Variants in RNFT1 observed in about 807,000 individuals in gnomAD.
RNFT1 encodes E3 ubiquitin-protein ligase RNFT1.
In RNFT1, 35 loss-of-function variants were observed where a neutral mutation model predicts 53.2. The observed-to-expected ratio is 0.66, with a 90% CI of 0.50 to 0.87. The LOEUF is 0.87. Ranked by LOEUF, RNFT1 falls within the 40% of genes least tolerant of loss-of-function variation. The probability of loss-of-function intolerance (pLI) is 0.00; values close to 1 mark genes in which losing one functional copy is unlikely to be tolerated. For missense variants in RNFT1, 421 were observed against 515.0 expected (o/e 0.82, Z 1.77); for synonymous variants, 141 against 172.8 (o/e 0.82, Z 1.44).
intron 3 of RNFT1, among the ~76,000 whole-genome samples, 189 bp from the exon 4 acceptor site, chr17:59,960,357 A>G (rs1198027460): frequency 1.4e-5 from 2 of 147,396 alleles, no homozygotes; most frequent in South Asian, 2.2e-4. Flanking sequence ...GAACTCTTAT[A>G]TTAAACAAAT....
At chr17:59,963,739 AC>A (rs1785827901) in intron 1 of RNFT1, among the ~76,000 whole-genome samples, 1 of 141,518 alleles carries the variant, frequency 7.1e-6, no homozygotes, top group Non-Finnish European at 1.5e-5. Flanking sequence ...AGGAAAAAAA[AC>A]AACATTAAAT....
rs765505486 is a variant in RNFT1, at chr17:59,952,926, C to T, written c.*51G>A. 1.1e-5 allele frequency: 17 copies of T among 1,563,412 alleles called. No homozygotes were observed. In the South Asian group the frequency reaches 1.5e-4, roughly 14 times the overall value. On this transcript the variant is annotated 3_prime_UTR_variant, in exon 9 of 9. Coordinates refer to ENST00000305783, the MANE Select transcript of RNFT1 (RefSeq NM_016125.4). ...TCCATTCTGATGCCTTATCAGTAGT[C>T]ATTATGACCAAATGACATTAGTATT...
At position 59,957,235 on chromosome 17, in the gene RNFT1, G is replaced by A. The variant is rs770155911; in HGVS notation, c.994C>T (p.Leu332Phe). 5.0e-6 allele frequency: 8 copies of A among 1,612,604 alleles called. No homozygotes were observed. The highest frequency in any genetic ancestry group is 5.1e-6 in the Non-Finnish European group (6 of 1,179,510). ...SLGILLALLY[L>F]ILKLLEFFGH... ...GTAATGTTACCTACTTTTAATATGA[G>A]GTAGAGTAAAGCCAGCAGTATCCCA... Residue 332 changes from leucine (L) to phenylalanine (F), a missense_variant, in exon 6 of 9, where the codon CTC becomes TTC. Transcript: ENST00000305783.
Position 59,952,479 on chromosome 17 carries a change from A to G in RNFT1, c.*498T>C, listed in dbSNP as rs183827874. The G allele has an allele frequency of 2.5e-4, 38 of 152,506 alleles. No individual in the cohort carries two copies. The highest frequency in any genetic ancestry group is 7.9e-4 in the African/African-American group (33 of 41,572). 9.4% of individuals were successfully genotyped at this position (152,506 alleles called of 1,614,324 possible). On this transcript the variant is annotated 3_prime_UTR_variant, in exon 9 of 9. Transcript: ENST00000305783. ...ACTTAGAAAATGTTACTGATAAAATACAACATTTAGAATTTTCATTTAAAA... is the reference window on the plus strand; with the variant it reads ...ACTTAGAAAATGTTACTGATAAAATGCAACATTTAGAATTTTCATTTAAAA...
At chr17:59,958,791 A>T in intron 4 of RNFT1, 1 of 382,348 alleles carries the variant, frequency 2.6e-6, no homozygotes, top group Non-Finnish European at 5.1e-6. Context: ...CCTTTCAATG[A>T]ATTGCTTGTC....
intron 4 of RNFT1, among the ~76,000 whole-genome samples, chr17:59,959,113 T>G (rs2045271389): frequency 6.6e-6 from 1 of 152,212 alleles, no homozygotes; most frequent in African/African-American, 2.4e-5. Context: ...TGACATATAT[T>G]TGGAACCACT....
At chr17:59,955,413 A>G (rs2045247765) in intron 7 of RNFT1, among the ~76,000 whole-genome samples, 1 of 152,198 alleles carries the variant, frequency 6.6e-6, no homozygotes, top group Admixed American at 6.5e-5. Flanking sequence ...CTGGTAAAGG[A>G]GACTTGAACA....
rs1475474903 is a variant in RNFT1, at chr17:59,954,147, CTA to C, written c.1072-3_1072-2del. 3 of 1,573,026 alleles carry C rather than the reference CTA, an allele frequency of 1.9e-6. No individual in the cohort carries two copies. Among genetic ancestry groups the C allele is most frequent in the African/African-American group, 1.4e-5 (1 of 73,048 alleles). ...TCTTGCTGGCAGCCACTCCATAACTCTATGAAGATAGTAAGTTCTGTTCATCT... is the reference window on the plus strand; with the variant it reads ...TCTTGCTGGCAGCCACTCCATAACTCTGAAGATAGTAAGTTCTGTTCATCT... On this transcript the variant is annotated splice_acceptor_variant and splice_polypyrimidine_tract_variant and intron_variant, in intron 7 of 8. Transcript: ENST00000305783. LOFTEE classifies it high-confidence loss of function.
chr17:59,958,521 A>G, intron 4 of RNFT1, 77 bp from the exon 5 acceptor site: 3 of 1,159,064 alleles, frequency 2.6e-6, no homozygotes, highest in Non-Finnish European at 3.7e-6. Flanking sequence ...TTAATTTGCT[A>G]CAAATATTTT....
Position 59,960,167 on chromosome 17 carries a change from T to C in RNFT1, c.593A>G (p.Glu198Gly), listed in dbSNP as rs745840803. 6.3e-7 allele frequency: 1 copy of C among 1,598,938 alleles called. No homozygotes were observed. Among genetic ancestry groups the C allele is most frequent in the Non-Finnish European group, 8.5e-7 (1 of 1,175,486 alleles). Reference protein sequence around the residue: ...KSIVNQVFLRERSSKIQCAWL... With the variant: ...KSIVNQVFLRGRSSKIQCAWL... ...AGCACACTGAATCTTTGAGGACCTT[T>C]CCTGAAAGATAAACAATTTTATAAT... is the stretch of plus-strand genomic sequence containing the variant. The change falls in exon 4 of 9, where the codon GAA (glutamate) becomes GGA (glycine). Residue 198 changes from glutamate (E) to glycine (G), a missense_variant and splice_region_variant. Physicochemically the swap from Glu to Gly is moderately conservative, Grantham distance 98 (BLOSUM62 -2). Coordinates refer to ENST00000305783, the MANE Select transcript of RNFT1 (RefSeq NM_016125.4).
At chr17:59,955,180 A>G (rs1022061582) in intron 7 of RNFT1, among the ~76,000 whole-genome samples, 1 of 152,192 alleles carries the variant, frequency 6.6e-6, no homozygotes, top group African/African-American at 2.4e-5. Context: ...AATCAAAGTA[A>G]AACTCAAAGG....
At position 59,964,693 on chromosome 17, in the gene RNFT1, A is replaced by C. The variant is rs376901171; in HGVS notation, c.-30T>G. 6.3e-7 allele frequency: 1 copy of C among 1,583,134 alleles called. No individual in the cohort carries two copies. Among genetic ancestry groups the C allele is most frequent in the Non-Finnish European group, 8.6e-7 (1 of 1,164,664 alleles). On this transcript the variant is annotated 5_prime_UTR_variant, in exon 1 of 9. An upstream start codon of the reference 5' UTR is lost. Transcript: ENST00000305783. ...CGCCTCCAGCCCTTCAGTCGGGGCC[A>C]TCAACCGCAAACCCCGCAAGCTCTT...
At chr17:59,957,024 C>T (rs766723264) in intron 6 of RNFT1, among the ~76,000 whole-genome samples, 200 bp downstream of exon 6, 4 of 152,206 alleles carry the variant, frequency 2.6e-5, no homozygotes, top group Admixed American at 1.3e-4. Flanking sequence ...ACTCCCCTTC[C>T]CTCCAGTGAA....
Position 59,962,862 on chromosome 17 carries a change from A to C in RNFT1, c.479T>G (p.Ile160Ser). 1 of 1,613,116 alleles carries C rather than the reference A, an allele frequency of 6.2e-7. No individual in the cohort carries two copies. The highest frequency in any genetic ancestry group is 8.5e-7 in the Non-Finnish European group (1 of 1,179,068). Residue 160 changes from isoleucine (I) to serine (S), a missense_variant, in exon 2 of 9, where the codon ATT (isoleucine) becomes AGT (serine). Transcript: ENST00000305783. ...WLQKSLPYIL[I>S]LSVKLVMQHI... Reference sequence around the variant, plus strand: ...CTGCATAACAAGTTTGACGCTCAGAATCAAAATATATGGAAGACTTTTTTG... The same window carrying C: ...CTGCATAACAAGTTTGACGCTCAGACTCAAAATATATGGAAGACTTTTTTG...
intron 7 of RNFT1, among the ~76,000 whole-genome samples, chr17:59,954,379 G>A (rs2045241340): frequency 6.6e-6 from 1 of 152,180 alleles, no homozygotes; most frequent in African/African-American, 2.4e-5. Flanking sequence ...AGATCTACTA[G>A]CTTTACAAAG....
At position 59,955,694 on chromosome 17, in the gene RNFT1, G is replaced by A. The variant is rs564391983; in HGVS notation, c.1071+794C>T. Among the ~76,000 whole-genome samples, 18 of 152,300 alleles carry A rather than the reference G, an allele frequency of 1.2e-4. No homozygotes were observed. In the East Asian group the frequency reaches 3.3e-3, roughly 28 times the overall value. On this transcript the variant is annotated intron_variant, in intron 7 of 8. Transcript: ENST00000305783. ...TATCTTAGGGAAAAGGCCCTGGCCAGTTAGTCTCGTTTACTTTGTAGACAT... is the reference window on the plus strand; with the variant it reads ...TATCTTAGGGAAAAGGCCCTGGCCAATTAGTCTCGTTTACTTTGTAGACAT...
intron 4 of RNFT1, 127 bp downstream of exon 4, chr17:59,959,941 A>T: frequency 3.7e-6 from 3 of 821,390 alleles, no homozygotes; most frequent in Non-Finnish European, 3.4e-6. Flanking sequence ...GCTCTCGCTT[A>T]TGAAAGGAGA....
rs1347567539 is a variant in RNFT1 at position 59,962,993 on chromosome 17, C to T, written c.348G>A (p.Arg116=). ...CAHGCVHSRL[R]GHSHSEARLT... is the part of the protein sequence containing the mutation. ...GCCTTGCTTCACTGTGGGAGTGACC[C>T]CGTAAGCGACTGTGTACACATCCAT... The change falls in exon 2 of 9, where the codon CGG becomes CGA. Residue 116 remains arginine (R), a synonymous_variant. Coordinates refer to ENST00000305783, the MANE Select transcript of RNFT1 (RefSeq NM_016125.4). 6.2e-7 allele frequency: 1 copy of T among 1,614,196 alleles called. No individual in the cohort carries two copies. The highest frequency in any genetic ancestry group is 2.2e-5 in the East Asian group (1 of 44,896).
chr17:59,960,143 G>T lies in RNFT1; in HGVS notation c.617C>A (p.Ala206Asp). ...LRERSSKIQC[A>D]WLLVFLAGSS... The stretch of plus-strand genomic sequence containing the variant: ...TCCTGCTAAGAATACCAGTAACCAA[G>T]CACACTGAATCTTTGAGGACCTTTC... The change falls in exon 4 of 9, where the codon GCT (alanine) becomes GAT (aspartate). Residue 206 changes from alanine to aspartate, a missense_variant. Coordinates refer to ENST00000305783, the MANE Select transcript of RNFT1 (RefSeq NM_016125.4). 1.2e-6 allele frequency: 2 copies of T among 1,606,666 alleles called. No homozygotes were observed. Among genetic ancestry groups the T allele is most frequent in the Non-Finnish European group, 1.7e-6 (2 of 1,177,238 alleles).
Sources: gnomAD v4.1 joint callset for allele counts (sites outside exome capture counted in the v4.1 genomes callset) on GRCh38, gnomAD v4.1.1 for gene constraint, MANE v1.5 for transcripts, NCBI Gene and HGNC (gene_info 2026-07-23, HGNC 2026-07-21) for gene names.